RAB38: variants seen among roughly 807,000 people sequenced by gnomAD.
RAB38 encodes the protein ras-related protein Rab-38.
RAB38 carries 15 observed loss-of-function variants against 18.4 expected under a neutral mutation model. The observed-to-expected ratio is 0.82, with a 90% confidence interval of 0.55 to 1.26. The LOEUF is 1.26. RAB38 is among the 50% of genes most tolerant of loss of function. The pLI is 0.00. For missense variants in RAB38, 294 were observed against 267.4 expected, an observed-to-expected ratio of 1.10 and a Z score of -0.69; for synonymous variants, 101 against 104.4, an observed-to-expected ratio of 0.97 and a Z score of 0.20.
the RAB38 span, among the ~76,000 whole-genome samples, chr11:88,024,970 G>C: frequency 6.6e-6 from 1 of 152,068 alleles, no homozygotes; most frequent in Non-Finnish European, 1.5e-5. Context: ...GGAGAGACTA[G>C]AGTCAATAAT....
chr11:87,830,577 A>G, the RAB38 span, among the ~76,000 whole-genome samples: 1 of 151,370 alleles, frequency 6.6e-6, no homozygotes, highest in Non-Finnish European at 1.5e-5. Flanking sequence ...GAATTACCTT[A>G]TTTTATTTCC....
intron 2 of RAB38, among the ~76,000 whole-genome samples, chr11:88,146,296 T>C (rs1942985027): frequency 6.6e-6 from 1 of 152,174 alleles, no homozygotes. Flanking sequence ...TCAAAGCTGA[T>C]GATGATACCT....
At chr11:88,095,024 C>T in the RAB38 span, among the ~76,000 whole-genome samples, 1 of 151,798 alleles carries the variant, frequency 6.6e-6, no homozygotes, top group Non-Finnish European at 1.5e-5. Flanking sequence ...CATTCATGCC[C>T]TAGATCCTCT....
At chr11:88,020,813 C>T in the RAB38 span, among the ~76,000 whole-genome samples, 1 of 151,940 alleles carries the variant, frequency 6.6e-6, no homozygotes, top group Admixed American at 6.6e-5. Context: ...ATGATAAAAA[C>T]ATAAGGAAAT....
chr11:87,923,786 C>T, the RAB38 span, among the ~76,000 whole-genome samples: 1 of 151,818 alleles, frequency 6.6e-6, no homozygotes, highest in Non-Finnish European at 1.5e-5. Flanking sequence ...CAGATGCTGG[C>T]TCATTTAATT....
chr11:87,818,595 T>TA, the RAB38 span, among the ~76,000 whole-genome samples: 4 of 152,186 alleles, frequency 2.6e-5, no homozygotes, highest in African/African-American at 9.7e-5. Flanking sequence ...TAGAAATTTT[T>TA]AATTGTGGCA....
the RAB38 span, among the ~76,000 whole-genome samples, chr11:88,105,648 A>G: frequency 1.3e-5 from 2 of 152,146 alleles, no homozygotes; most frequent in Admixed American, 6.6e-5. Flanking sequence ...TGAGAAAATC[A>G]TGGCCATTTC....
the RAB38 span, among the ~76,000 whole-genome samples, chr11:88,071,364 T>C: frequency 6.6e-6 from 1 of 152,070 alleles, no homozygotes; most frequent in East Asian, 1.9e-4. Context: ...AACTCTCATA[T>C]GCACAAGGCC....
chr11:88,034,761 T>G, the RAB38 span, among the ~76,000 whole-genome samples: 1 of 150,616 alleles, frequency 6.6e-6, no homozygotes, highest in Non-Finnish European at 1.5e-5. Flanking sequence ...ATTGGATACC[T>G]ACGATATTTC....
the RAB38 span, among the ~76,000 whole-genome samples, chr11:87,969,965 T>TATA: frequency 6.6e-6 from 1 of 152,076 alleles, no homozygotes; most frequent in Admixed American, 6.6e-5. Flanking sequence ...TAGAAACCTG[T>TATA]ATAACCAAGG....
At chr11:88,110,033 A>G (rs1942452726), downstream of RAB38, among the ~76,000 whole-genome samples, 1 of 152,208 alleles carries the variant, frequency 6.6e-6, no homozygotes, top group South Asian at 2.1e-4. Context: ...TACCCAAAAG[A>G]TTATAAATCA....
chr11:87,896,745 C>A, the RAB38 span, among the ~76,000 whole-genome samples: 1 of 151,578 alleles, frequency 6.6e-6, no homozygotes, highest in African/African-American at 2.4e-5. Flanking sequence ...CGTATTGACC[C>A]TCAATTTCCT....
At chr11:87,842,525 G>C in the RAB38 span, among the ~76,000 whole-genome samples, 1 of 152,106 alleles carries the variant, frequency 6.6e-6, no homozygotes, top group African/African-American at 2.4e-5. Flanking sequence ...CTATTAATTA[G>C]TATCTGGGAA....
chr11:87,819,128 G>GC, the RAB38 span, among the ~76,000 whole-genome samples: 1 of 152,152 alleles, frequency 6.6e-6, no homozygotes, highest in Non-Finnish European at 1.5e-5. Flanking sequence ...CAGCCCCTTT[G>GC]CCTACCCACT....
the RAB38 span, among the ~76,000 whole-genome samples, chr11:88,034,500 TG>T: frequency 1.3e-5 from 2 of 152,372 alleles, no homozygotes; most frequent in East Asian, 3.9e-4. Flanking sequence ...TCTGAATTCT[TG>T]TCAGTATTTG....
chr11:87,851,847 C>T, the RAB38 span, among the ~76,000 whole-genome samples: 10 of 152,204 alleles, frequency 6.6e-5, no homozygotes, highest in Non-Finnish European at 1.2e-4. Context: ...TTCCTAGACA[C>T]TTTTAGGGTC....
At chr11:88,156,017 A>G (rs1459863644) in intron 1 of RAB38, among the ~76,000 whole-genome samples, 1 of 152,234 alleles carries the variant, frequency 6.6e-6, no homozygotes. Flanking sequence ...TCTTTGAGAA[A>G]TGTGGGATTA....
the RAB38 span, among the ~76,000 whole-genome samples, chr11:87,952,956 GTTT>G: frequency 0.053 from 8,075 of 152,042 alleles, 303 homozygotes; most frequent in Non-Finnish European, 0.083. Flanking sequence ...TGTTTTAAAT[GTTT>G]TTAATTTTAA....
chr11:88,061,469 G>A, the RAB38 span, among the ~76,000 whole-genome samples: 52 of 152,282 alleles, frequency 3.4e-4, no homozygotes, highest in African/African-American at 1.2e-3. Context: ...GACTGTTTAC[G>A]TAACATAGAT....
Sources: gnomAD v4.1 joint callset for allele counts (sites outside exome capture counted in the v4.1 genomes callset) on GRCh38, gnomAD v4.1.1 for gene constraint, MANE v1.5 for transcripts, NCBI Gene and HGNC (gene_info 2026-07-23, HGNC 2026-07-21) for gene names.